Variants in ZSCAN9 observed in about 807,000 individuals in gnomAD.
The protein encoded by ZSCAN9 is zinc finger and SCAN domain containing 9.
A neutral mutation model predicts 23.0 loss-of-function variants in ZSCAN9; 19 were observed. That is an observed-to-expected ratio of 0.83 (90% CI 0.58 to 1.21). ZSCAN9 has a LOEUF of 1.21. Among genes scored for constraint, ZSCAN9 ranks in the 50% most tolerant of loss-of-function variants. The pLI, the probability that ZSCAN9 is intolerant of heterozygous loss-of-function variation, is 0.00. For synonymous variants in ZSCAN9, 155 were observed against 164.8 expected (o/e 0.94, Z 0.46); for missense variants, 467 against 471.5 (o/e 0.99, Z 0.09).
intron 3 of ZSCAN9, chr6:28,228,461 CATCTT>C (rs1329128004): frequency 5.2e-6 from 1 of 192,196 alleles, no homozygotes; most frequent in Non-Finnish European, 1.0e-5. Flanking sequence ...CAAGCTCTCT[CATCTT>C]ATAAGGACAG....
At chr6:28,228,249 C>G in intron 3 of ZSCAN9, 1 of 572,352 alleles carries the variant, frequency 1.7e-6, no homozygotes, top group Admixed American at 3.4e-5. Context: ...TTGGTTTAGT[C>G]TACTTGCGCT....
intron 3 of ZSCAN9, 102 bp downstream of exon 3, chr6:28,227,939 T>TA (rs1760171481): frequency 3.0e-6 from 4 of 1,339,468 alleles, no homozygotes; most frequent in African/African-American, 1.4e-5. Flanking sequence ...AAAGACTCCT[T>TA]ACCAGATAGC....
intron 3 of ZSCAN9, 41 bp downstream of exon 3, chr6:28,227,878 T>C: frequency 6.2e-7 from 1 of 1,610,456 alleles, no homozygotes; most frequent in Non-Finnish European, 8.5e-7. Context: ...GAATCCCACC[T>C]GGTCAAGCAA....
At position 28,227,747 on chromosome 6, in the gene ZSCAN9, G is replaced by C. The variant is rs760198868; in HGVS notation, c.478G>C (p.Glu160Gln). ...VLCKEMVPLA[E>Q]QTPLTLQSQP... is the part of the protein sequence containing the mutation. Reference sequence around the variant, plus strand: ...CTGTAAAGAGATGGTGCCTCTAGCAGAGCAGACACCACTGACCCTTCAGTC... The same window carrying C: ...CTGTAAAGAGATGGTGCCTCTAGCACAGCAGACACCACTGACCCTTCAGTC... The change falls in exon 3 of 4, where the codon GAG (glutamate) becomes CAG (glutamine). Residue 160 changes from glutamate (E) to glutamine (Q), a missense_variant. Glu to Gln is a conservative substitution (Grantham distance 29). Transcript: ENST00000252207. 3.1e-6 allele frequency: 5 copies of C among 1,612,816 alleles called. No individual in the cohort carries two copies. The South Asian group carries it at 4.4e-5, about 14-fold the overall frequency.
chr6:28,232,124 G>T (rs915059362), intron 3 of ZSCAN9, among the ~76,000 whole-genome samples: 3 of 152,178 alleles, frequency 2.0e-5, no homozygotes, highest in Admixed American at 2.0e-4. Flanking sequence ...CTGAGGTCAG[G>T]AGTTCAAGAC....
At chr6:28,225,864 G>A (rs576129436) in intron 1 of ZSCAN9, among the ~76,000 whole-genome samples, 1 of 152,148 alleles carries the variant, frequency 6.6e-6, no homozygotes, top group Non-Finnish European at 1.5e-5. Flanking sequence ...CATATTCTGG[G>A]TCTCCCTGTA....
intron 3 of ZSCAN9, among the ~76,000 whole-genome samples, chr6:28,232,268 C>T (rs1006295170): frequency 3.3e-5 from 5 of 152,020 alleles, no homozygotes. Context: ...GAAATGGAGG[C>T]TGCAGTGAGC....
rs1053315475 is a variant in ZSCAN9 at position 28,233,323 on chromosome 6, A to G, written c.*145A>G. Reference sequence around the variant, plus strand: ...AGGCCCAGGGACTTCCTTAAAGGAAAGTTGGGTGTTTGAAGCTACTGTTTT... The same window carrying G: ...AGGCCCAGGGACTTCCTTAAAGGAAGGTTGGGTGTTTGAAGCTACTGTTTT... On this transcript the variant is annotated 3_prime_UTR_variant, in exon 4 of 4. Coordinates refer to ENST00000252207, the MANE Select transcript of ZSCAN9 (RefSeq NM_006299.5). 1.3e-5 allele frequency: 19 copies of G among 1,423,672 alleles called. No homozygotes were observed. Among genetic ancestry groups the G allele is most frequent in the Non-Finnish European group, 1.8e-5 (19 of 1,082,184 alleles). The allele number at this position is 1,423,672 out of a possible 1,614,324, so 88.2% of individuals were successfully genotyped here.
At chr6:28,226,536 C>G (rs1760120845) in intron 1 of ZSCAN9, among the ~76,000 whole-genome samples, 1 of 152,140 alleles carries the variant, frequency 6.6e-6, no homozygotes, top group African/African-American at 2.4e-5. Flanking sequence ...CTCTGTGAAG[C>G]ATTATTGCTA....
Position 28,227,318 on chromosome 6 carries a change from C to T in ZSCAN9, c.234C>T (p.Tyr78=), listed in dbSNP as rs200679008. 1.0e-4 allele frequency: 165 copies of T among 1,614,122 alleles called. No homozygotes were observed. Among genetic ancestry groups the T allele is most frequent in the Non-Finnish European group, 1.3e-4 (150 of 1,180,054 alleles). ...EALTRLQELC[Y]QWLRPHVSTK... is the part of the protein sequence containing the mutation. ...TTACTCGACTCCAGGAACTTTGCTACCAGTGGTTGAGGCCACATGTGAGCA... is the reference window on the plus strand; with the variant it reads ...TTACTCGACTCCAGGAACTTTGCTATCAGTGGTTGAGGCCACATGTGAGCA... The change falls in exon 2 of 4, where the codon TAC becomes TAT. Residue 78 remains tyrosine, a synonymous_variant. Coordinates refer to ENST00000252207, the MANE Select transcript of ZSCAN9 (RefSeq NM_006299.5).
chr6:28,225,948 C>T (rs1340696704), intron 1 of ZSCAN9, among the ~76,000 whole-genome samples: 1 of 152,236 alleles, frequency 6.6e-6, no homozygotes, highest in Non-Finnish European at 1.5e-5. Context: ...TCAGCTGCTG[C>T]GCTGTGCTTC....
In ZSCAN9 at chr6:28,227,462, G is replaced by A. The variant is rs78785277; in HGVS notation, c.378G>A (p.Leu126=). The A allele has an allele frequency of 2.5e-6, 4 of 1,612,276 alleles. No individual in the cohort carries two copies. The highest frequency in any genetic ancestry group is 3.4e-6 in the Non-Finnish European group (4 of 1,179,086). ...AGAGTGGAGAAGAGGCTGTGATTTT[G>A]CTGGAGGATCTGGAGAGAGAGCTCG... ...CPESGEEAVI[L]LEDLERELDE... is the part of the protein sequence containing the mutation. Residue 126 remains leucine, a synonymous_variant, in exon 2 of 4, where the codon TTG becomes TTA. Transcript: ENST00000252207.
At chr6:28,231,945 T>C (rs1295385786) in intron 3 of ZSCAN9, among the ~76,000 whole-genome samples, 1 of 152,166 alleles carries the variant, frequency 6.6e-6, no homozygotes, top group Non-Finnish European at 1.5e-5. Context: ...AAAGGGTCAC[T>C]TTGAGGTTAT....
Position 28,227,720 on chromosome 6 carries a change from C to G in ZSCAN9, c.451C>G (p.Leu151Val). The G allele has an allele frequency of 6.2e-7, 1 of 1,605,694 alleles. No individual in the cohort carries two copies. The highest frequency in any genetic ancestry group is 8.5e-7 in the Non-Finnish European group (1 of 1,178,084). ...GGCCCACAGACACAGACAAGAAGTC[C>G]TCTGTAAAGAGATGGTGCCTCTAGC... ...MVAHRHRQEV[L>V]CKEMVPLAEQ... The change falls in exon 3 of 4, where the codon CTC becomes GTC. Residue 151 changes from leucine (L) to valine (V), a missense_variant. Coordinates refer to ENST00000252207, the MANE Select transcript of ZSCAN9 (RefSeq NM_006299.5).
intron 3 of ZSCAN9, chr6:28,230,336 A>G: frequency 6.5e-7 from 1 of 1,528,962 alleles, no homozygotes; most frequent in South Asian, 1.2e-5. Context: ...TGGATTTCAG[A>G]TTTAATACGA....
Position 28,225,345 on chromosome 6 carries a change from C to G in ZSCAN9, c.-95C>G, listed in dbSNP as rs1329164708. The G allele has an allele frequency of 6.6e-6, 1 of 152,210 alleles. No homozygotes were observed. The highest frequency in any genetic ancestry group is 1.5e-5 in the Non-Finnish European group (1 of 68,060). 9.4% of individuals were successfully genotyped at this position (152,210 alleles called of 1,614,324 possible). A position where few individuals can be genotyped will look rare whatever the true frequency, so the allele number is the denominator to read the frequency against. On this transcript the variant is annotated 5_prime_UTR_variant, in exon 1 of 4. Coordinates refer to ENST00000252207, the MANE Select transcript of ZSCAN9 (RefSeq NM_006299.5). ...ACGCCGGGCCGGTAACCCCCTCTCCCTCCTTGCGCGTTCCGGGTCTCGTGA... is the reference window on the plus strand; with the variant it reads ...ACGCCGGGCCGGTAACCCCCTCTCCGTCCTTGCGCGTTCCGGGTCTCGTGA...
At chr6:28,228,793 C>T (rs1294754718) in intron 3 of ZSCAN9, 1 of 154,462 alleles carries the variant, frequency 6.5e-6, no homozygotes, top group African/African-American at 2.4e-5. Flanking sequence ...AGTGGCAGAA[C>T]TGTATGGGAG....
rs1443624979 is a variant in ZSCAN9 at position 28,232,566 on chromosome 6, A to G, written c.573A>G (p.Glu191=). ...TAGCCTTTTTCTTTGTTTCAGATGA[A>G]GTAACCAAGACTGAGGACAGAGAGT... ...QKCHSIGETD[E]VTKTEDRELV... Residue 191 remains glutamate, a synonymous_variant, in exon 4 of 4, where the codon GAA becomes GAG. Coordinates refer to ENST00000252207, the MANE Select transcript of ZSCAN9 (RefSeq NM_006299.5). 17 of 1,606,794 alleles carry G rather than the reference A, an allele frequency of 1.1e-5. 1 individual carries two copies. The highest frequency in any genetic ancestry group is 2.2e-5 in the East Asian group (1 of 44,736).
Position 28,233,123 on chromosome 6 carries a change from G to A in ZSCAN9, c.1130G>A (p.Arg377Gln), listed in dbSNP as rs1452810778. 1.9e-6 allele frequency: 3 copies of A among 1,614,100 alleles called. No homozygotes were observed. Among genetic ancestry groups the A allele is most frequent in the South Asian group, 1.1e-5 (1 of 91,064 alleles). The change falls in exon 4 of 4, where the codon CGA (arginine) becomes CAA (glutamine). Residue 377 changes from arginine (R) to glutamine (Q), a missense_variant. By Grantham distance (43) the Arg-to-Gln change is conservative. Transcript: ENST00000252207. ...ATTGAATGTGGGAAAAGCTTTAATC[G>A]ACACTGCAACCTCATTCGCCATCAG... ...QCIECGKSFNRHCNLIRHQKI... is the reference protein window; with the variant it reads ...QCIECGKSFNQHCNLIRHQKI...
Sources: allele counts gnomAD v4.1 joint callset (sites outside exome capture counted in the v4.1 genomes callset), GRCh38; gene constraint gnomAD v4.1.1; transcripts MANE v1.5; gene names NCBI Gene and HGNC (gene_info 2026-07-23, HGNC 2026-07-21).